The following CNTNAP2 variants were observed in gnomAD, a reference collection of about 807,000 sequenced individuals.
The protein encoded by CNTNAP2 is contactin associated protein 2.
Under a neutral mutation model 155.2 loss-of-function variants are expected in CNTNAP2, and 98 were observed. That is an observed-to-expected ratio of 0.63 (90% CI 0.54 to 0.75). The LOEUF is 0.75. Ranked by LOEUF, CNTNAP2 falls within the 30% of genes least tolerant of loss-of-function variation. The pLI is 0.00. For missense variants in CNTNAP2, 1,727 were observed against 1,688.1 expected, an observed-to-expected ratio of 1.02 and a Z score of -0.40; for synonymous variants, 651 against 631.2, an observed-to-expected ratio of 1.03 and a Z score of -0.47.
chr7:148,322,444 T>G (rs748874913), intron 21 of CNTNAP2, among the ~76,000 whole-genome samples: 1 of 152,206 alleles, frequency 6.6e-6, no homozygotes, highest in Non-Finnish European at 1.5e-5. Flanking sequence ...AATAGAAATA[T>G]ACTTCTAGAT....
At chr7:147,803,757 A>C (rs567324773) in intron 13 of CNTNAP2, among the ~76,000 whole-genome samples, 1 of 152,298 alleles carries the variant, frequency 6.6e-6, no homozygotes, top group South Asian at 2.1e-4. Flanking sequence ...AGAGAAGTGG[A>C]TGCTTTAATG....
chr7:146,982,849 GC>G (rs1413371787), intron 3 of CNTNAP2, among the ~76,000 whole-genome samples: 1 of 152,066 alleles, frequency 6.6e-6, no homozygotes, highest in Non-Finnish European at 1.5e-5. Flanking sequence ...GAAAATAAAT[GC>G]CCATTTCCAA....
chr7:147,731,146 C>G (rs1367407983), intron 13 of CNTNAP2, among the ~76,000 whole-genome samples: 1 of 152,116 alleles, frequency 6.6e-6, no homozygotes, highest in African/African-American at 2.4e-5. Flanking sequence ...AACAAGTTAT[C>G]TAGAAGGTCT....
intron 3 of CNTNAP2, among the ~76,000 whole-genome samples, chr7:146,961,991 T>C (rs1042783042): frequency 1.3e-5 from 2 of 152,170 alleles, no homozygotes; most frequent in Admixed American, 1.3e-4. Context: ...ATTATCTTGC[T>C]TAAAACATAG....
At chr7:147,123,416 A>G (rs571260272) in intron 6 of CNTNAP2, among the ~76,000 whole-genome samples, 5 of 152,374 alleles carry the variant, frequency 3.3e-5, no homozygotes, top group African/African-American at 1.2e-4. Context: ...GTCTATGACT[A>G]TTCACGCACA....
chr7:146,447,806 A>G (rs187560095), intron 1 of CNTNAP2, among the ~76,000 whole-genome samples: 157 of 152,128 alleles, frequency 1.0e-3, no homozygotes, highest in African/African-American at 3.2e-3. Flanking sequence ...AAGAATATCA[A>G]TGGTGTTTAC....
chr7:146,531,229 G>A (rs1797764583), intron 1 of CNTNAP2, among the ~76,000 whole-genome samples: 1 of 152,110 alleles, frequency 6.6e-6, no homozygotes, highest in African/African-American at 2.4e-5. Flanking sequence ...GAGGATGGAG[G>A]GAGGGAGGAG....
intron 14 of CNTNAP2, among the ~76,000 whole-genome samples, chr7:147,965,388 CT>C (rs201237079): frequency 0.018 from 2,712 of 152,056 alleles, 40 homozygotes; most frequent in Non-Finnish European, 0.026. Context: ...TGCCCTATTG[CT>C]TCTTCCATTT....
chr7:148,260,170 G>T lies in CNTNAP2; in HGVS notation c.3382-6863G>T, dbSNP rs186322407. Among the ~76,000 whole-genome samples the T allele has an allele frequency of 2.8e-4, 43 of 152,060 alleles. No homozygotes were observed. The East Asian group carries it at 6.4e-3, about 23-fold the overall frequency. ...AGGCTTTTCATGTTAAGCTTTTCTC[G>T]CTATATCTGATTTAAAGTATTTTCT... On this transcript the variant is annotated intron_variant, in intron 20 of 23. Transcript: ENST00000361727.
In CNTNAP2 at chr7:146,675,992, T is replaced by G. The variant is rs867745489; in HGVS notation, c.98-98279T>G. ...TCGAGCTAGTTCAGTCACATAATGT[T>G]GTTGGTAAAATTATCTATAACATTT... On this transcript the variant is annotated intron_variant, in intron 1 of 23. Coordinates refer to ENST00000361727, the MANE Select transcript of CNTNAP2 (RefSeq NM_014141.6). 9.4e-4 allele frequency among the ~76,000 whole-genome samples: 143 copies of G among 152,298 alleles called. 1 individual carries two copies. The highest frequency in any genetic ancestry group is 3.4e-3 in the Middle Eastern group (1 of 294).
chr7:147,183,445 C>T (rs1440404165), intron 8 of CNTNAP2, among the ~76,000 whole-genome samples: 1 of 152,124 alleles, frequency 6.6e-6, no homozygotes, highest in Non-Finnish European at 1.5e-5. Context: ...GAGTCCTTTA[C>T]ACCATCTCGT....
chr7:147,699,420 G>A (rs1325348993), intron 13 of CNTNAP2, among the ~76,000 whole-genome samples: 2 of 151,790 alleles, frequency 1.3e-5, no homozygotes, highest in Non-Finnish European at 2.9e-5. Flanking sequence ...TGGACACAGG[G>A]AAGGGAACAT....
chr7:147,058,809 G>T (rs546361569), intron 4 of CNTNAP2, among the ~76,000 whole-genome samples: 3 of 152,310 alleles, frequency 2.0e-5, no homozygotes, highest in South Asian at 4.1e-4. Flanking sequence ...GTTTCACCAT[G>T]TTGGACAGGC....
chr7:147,307,000 T>C (rs1228913107), intron 9 of CNTNAP2, among the ~76,000 whole-genome samples: 1 of 152,232 alleles, frequency 6.6e-6, no homozygotes, highest in Non-Finnish European at 1.5e-5. Context: ...TTTCCAAAAT[T>C]ACATGTATTT....
At chr7:148,304,425 A>AT (rs1007835000) in intron 21 of CNTNAP2, among the ~76,000 whole-genome samples, 2 of 151,844 alleles carry the variant, frequency 1.3e-5, no homozygotes, top group Admixed American at 6.6e-5. Context: ...AATTTTCAAG[A>AT]TTTTTTTTTC....
intron 3 of CNTNAP2, among the ~76,000 whole-genome samples, chr7:146,874,101 C>T (rs1351524425): frequency 1.3e-5 from 2 of 151,608 alleles, no homozygotes; most frequent in African/African-American, 2.4e-5. Flanking sequence ...CTTAAATTCT[C>T]GGGAGAAGTG....
chr7:147,618,859 A>T (rs1251255284), intron 12 of CNTNAP2, among the ~76,000 whole-genome samples: 3 of 152,060 alleles, frequency 2.0e-5, no homozygotes, highest in African/African-American at 7.2e-5. Context: ...AGTTCTTGAG[A>T]AGTGAATTAC....
At chr7:147,879,463 A>ATTT (rs71661733) in intron 13 of CNTNAP2, among the ~76,000 whole-genome samples, 1 of 149,048 alleles carries the variant, frequency 6.7e-6, no homozygotes, top group Non-Finnish European at 1.5e-5. Context: ...AAAGATGGAA[A>ATTT]TTTTTTTTTT....
At chr7:147,603,150 G>T (rs1268884834) in intron 12 of CNTNAP2, among the ~76,000 whole-genome samples, 1 of 151,458 alleles carries the variant, frequency 6.6e-6, no homozygotes. Flanking sequence ...AGCACCTGTT[G>T]TTTCCTGACT....
Sources: gnomAD v4.1 joint callset for allele counts (sites outside exome capture counted in the v4.1 genomes callset) on GRCh38, gnomAD v4.1.1 for gene constraint, MANE v1.5 for transcripts, NCBI Gene and HGNC (gene_info 2026-07-23, HGNC 2026-07-21) for gene names.